Variants in TXLNA observed in about 807,000 individuals in gnomAD.
The protein encoded by TXLNA is taxilin alpha.
Under a neutral mutation model 61.4 loss-of-function variants are expected in TXLNA, and 9 were observed. The ratio of observed to expected loss-of-function variants is 0.15; its 90% CI spans 0.09 to 0.26. TXLNA has a LOEUF of 0.26. TXLNA is among the 10% of genes least tolerant of loss of function. TXLNA has a pLI of 1.00. For missense variants in TXLNA, 565 were observed against 688.8 expected (o/e 0.82, Z 2.01); for synonymous variants, 257 against 267.7 (o/e 0.96, Z 0.39).
intron 5 of TXLNA, among the ~76,000 whole-genome samples, chr1:32,188,338 A>G (rs989081897): frequency 6.6e-6 from 1 of 152,182 alleles, no homozygotes; most frequent in African/African-American, 2.4e-5. Flanking sequence ...TTCAACATGA[A>G]ATCAGTGTAA....
In TXLNA at chr1:32,192,472, A is replaced by G. The variant is rs147954720; in HGVS notation, c.1083+42A>G. 1.9e-3 allele frequency: 3,037 copies of G among 1,609,266 alleles called. 50 individuals carry two copies. In the African/African-American group the frequency reaches 0.034, roughly 18 times the overall value. Reference sequence around the variant, plus strand: ...AGGGTTGGGGTGGGGGTGGGAGGAGACAGGCTGGGCTCTGGCTCAGCTCAT... The same window carrying G: ...AGGGTTGGGGTGGGGGTGGGAGGAGGCAGGCTGGGCTCTGGCTCAGCTCAT... On this transcript the variant is annotated intron_variant, in intron 7 of 10. Coordinates refer to ENST00000373610, the MANE Select transcript of TXLNA (RefSeq NM_175852.4). The surrounding 1 kb of genome is among the most constrained non-coding windows in gnomAD (Gnocchi z 4.2).
At chr1:32,193,421 T>C (rs897712794) in intron 9 of TXLNA, 121 bp downstream of exon 9, 7 of 715,698 alleles carry the variant, frequency 9.8e-6, no homozygotes. Flanking sequence ...GTTAGGAAGG[T>C]TCACAGCCTT....
intron 6 of TXLNA, among the ~76,000 whole-genome samples, chr1:32,191,672 T>G (rs1277454137): frequency 1.3e-5 from 2 of 152,158 alleles, no homozygotes; most frequent in Non-Finnish European, 2.9e-5. Context: ...ACCCTCATCA[T>G]ACCCAAACTG....
chr1:32,191,275 A>G (rs1642901472), intron 6 of TXLNA, among the ~76,000 whole-genome samples: 1 of 152,090 alleles, frequency 6.6e-6, no homozygotes, highest in Non-Finnish European at 1.5e-5. Context: ...GCTCTGGATT[A>G]GGCCCTTTCC....
At chr1:32,184,334 A>G (rs1266108917) in intron 3 of TXLNA, among the ~76,000 whole-genome samples, 191 bp from the exon 4 acceptor site, 1 of 152,160 alleles carries the variant, frequency 6.6e-6, no homozygotes, top group Non-Finnish European at 1.5e-5. Flanking sequence ...CTGTGATGGT[A>G]CTATGGACAG....
chr1:32,192,493 C>A lies in TXLNA; in HGVS notation c.1083+63C>A. 1 of 1,604,076 alleles carries A rather than the reference C, an allele frequency of 6.2e-7. No homozygotes were observed. Among genetic ancestry groups the A allele is most frequent in the Non-Finnish European group, 8.5e-7 (1 of 1,173,278 alleles). ...GGAGACAGGCTGGGCTCTGGCTCAG[C>A]TCATAGCCGGGTTATATGGGAGAAG... On this transcript the variant is annotated intron_variant, in intron 7 of 10. Transcript: ENST00000373610. This position sits in a 1 kb window ranked among gnomAD's most constrained non-coding sequence, Gnocchi z 4.2.
chr1:32,183,490 G>A (rs1363876552), intron 3 of TXLNA, among the ~76,000 whole-genome samples: 5 of 125,524 alleles, frequency 4.0e-5, no homozygotes, highest in Non-Finnish European at 8.2e-5. Context: ...GCAGTGGCGC[G>A]ATCTCGGCTC....
chr1:32,187,902 A>G, intron 4 of TXLNA, 52 bp from the exon 5 acceptor site: 3 of 1,586,726 alleles, frequency 1.9e-6, no homozygotes, highest in Non-Finnish European at 2.6e-6. Flanking sequence ...TGATCCCCCC[A>G]CCAGGAAGGC....
intron 9 of TXLNA, 58 bp downstream of exon 9, chr1:32,193,358 T>C: frequency 7.4e-7 from 1 of 1,354,938 alleles, no homozygotes; most frequent in Non-Finnish European, 1.1e-6. Context: ...CATTCAAAAT[T>C]GTTGGGCCTG....
intron 6 of TXLNA, among the ~76,000 whole-genome samples, chr1:32,191,974 A>G (rs1036941620): frequency 5.9e-5 from 9 of 152,250 alleles, no homozygotes; most frequent in African/African-American, 2.2e-4. Flanking sequence ...TCCCATTTAC[A>G]AGAGAATCAG....
At chr1:32,188,963 T>C (rs1045679927) in intron 5 of TXLNA, among the ~76,000 whole-genome samples, 3 of 152,202 alleles carry the variant, frequency 2.0e-5, no homozygotes, top group Non-Finnish European at 4.4e-5. Flanking sequence ...TTTAACTTTC[T>C]TTTTTATATG....
At position 32,192,362 on chromosome 1, in the gene TXLNA, G is replaced by A; in HGVS notation, c.1015G>A (p.Ala339Thr). Residue 339 changes from alanine to threonine, a missense_variant, in exon 7 of 11, where the codon GCC (alanine) becomes ACC (threonine). Physicochemically the swap from Ala to Thr is moderately conservative, Grantham distance 58. Around this residue, in one of 2 missense-constraint regions of TXLNA, gnomAD observed 373 missense variants for 504.0 expected, o/e 0.74. Transcript: ENST00000373610. The surrounding 1 kb of genome is among the most constrained non-coding windows in gnomAD (Gnocchi z 4.2). ...GGACCTACAACAGCAGCTGGTGGAT[G>A]CCAAGCTCCAGCAGGCCCAGGAGAT... ...HKDLQQQLVD[A>T]KLQQAQEMLK... is the part of the protein sequence containing the mutation. The A allele has an allele frequency of 6.2e-7, 1 of 1,614,228 alleles. No homozygotes were observed. The highest frequency in any genetic ancestry group is 8.5e-7 in the Non-Finnish European group (1 of 1,180,028).
At chr1:32,189,958 C>G in intron 5 of TXLNA, 97 bp from the exon 6 acceptor site, 2 of 1,308,390 alleles carry the variant, frequency 1.5e-6, no homozygotes, top group Admixed American at 4.5e-5. Context: ...GCTTTGGGAG[C>G]AGGGAGGGCT....
chr1:32,184,645 C>T, intron 4 of TXLNA, 29 bp downstream of exon 4: 1 of 1,538,596 alleles, frequency 6.5e-7, no homozygotes, highest in South Asian at 1.1e-5. Context: ...GGGCACCTTC[C>T]CTGCGTTGGG....
chr1:32,195,405 G>T lies in TXLNA; in HGVS notation c.*210G>T. On this transcript the variant is annotated 3_prime_UTR_variant, in exon 11 of 11. Transcript: ENST00000373610. ...TGCAAATGCATTTATACCTGTAAGT[G>T]TACAGTGGGCTTGCATTGGGGATGG... 1 of 598,294 alleles carries T rather than the reference G, an allele frequency of 1.7e-6. No homozygotes were observed. Among genetic ancestry groups the T allele is most frequent in the Non-Finnish European group, 3.0e-6 (1 of 338,168 alleles). 37.1% of individuals were successfully genotyped at this position (598,294 alleles called of 1,614,324 possible). A position where few individuals can be genotyped will look rare whatever the true frequency, so the allele number is the denominator to read the frequency against.
At chr1:32,182,803 C>A (rs1642695647) in intron 3 of TXLNA, among the ~76,000 whole-genome samples, 1 of 151,770 alleles carries the variant, frequency 6.6e-6, no homozygotes, top group Admixed American at 6.6e-5. Context: ...CAGAGTGGCT[C>A]ACACCTGTAA....
Position 32,195,563 on chromosome 1 carries a change from A to C in TXLNA, c.*368A>C. 2.5e-6 allele frequency: 1 copy of C among 404,620 alleles called. No homozygotes were observed. The highest frequency in any genetic ancestry group is 4.7e-6 in the Non-Finnish European group (1 of 212,378). The allele number at this position is 404,620 out of a possible 1,614,324, so 25.1% of individuals were successfully genotyped here. ...TTTCTCTGTCTGATTTGAGGCTCAGACCCCTCCCTGCCCTTCAGAGCTCAA... is the reference window on the plus strand; with the variant it reads ...TTTCTCTGTCTGATTTGAGGCTCAGCCCCCTCCCTGCCCTTCAGAGCTCAA... On this transcript the variant is annotated 3_prime_UTR_variant, in exon 11 of 11. Coordinates refer to ENST00000373610, the MANE Select transcript of TXLNA (RefSeq NM_175852.4).
chr1:32,186,501 A>G (rs1350087959), intron 4 of TXLNA, among the ~76,000 whole-genome samples: 1 of 152,318 alleles, frequency 6.6e-6, no homozygotes, highest in African/African-American at 2.4e-5. Flanking sequence ...CTCTTCAAGT[A>G]GGGTTGTTAT....
In TXLNA at chr1:32,181,346, C is replaced by G; in HGVS notation, c.274C>G (p.Gln92Glu). 1 of 1,614,154 alleles carries G rather than the reference C, an allele frequency of 6.2e-7. No individual in the cohort carries two copies. Among genetic ancestry groups the G allele is most frequent in the South Asian group, 1.1e-5 (1 of 91,080 alleles). The part of the protein sequence containing the change: ...ILSTYCVDNN[Q>E]GGPGEDGAQG... ...GAGCACATACTGTGTGGACAATAAC[C>G]AGGGGGGCCCCGGCGAGGATGGGGC... The change falls in exon 3 of 11, where the codon CAG becomes GAG. Residue 92 changes from glutamine (Q) to glutamate (E), a missense_variant. By Grantham distance (29) the Gln-to-Glu change is conservative (BLOSUM62 2). Transcript: ENST00000373610.
Sources: allele counts gnomAD v4.1 joint callset (sites outside exome capture counted in the v4.1 genomes callset), GRCh38; gene constraint gnomAD v4.1.1; regional missense constraint gnomAD v4.1.1; non-coding constraint Gnocchi (gnomAD v3.1); transcripts MANE v1.5; gene names NCBI Gene and HGNC (gene_info 2026-07-23, HGNC 2026-07-21).